BTBD9: variants seen among roughly 807,000 people sequenced by gnomAD.
BTBD9 encodes the protein BTB/POZ domain-containing protein 9.
BTBD9 carries 49 observed loss-of-function variants against 64.3 expected under a neutral mutation model. The ratio of observed to expected loss-of-function variants is 0.76; its 90% CI spans 0.61 to 0.97. The LOEUF (loss-of-function observed/expected upper bound fraction) is 0.97, where lower values mean the gene tolerates loss of function less well. BTBD9 is among the 50% of genes least tolerant of loss of function. The pLI, the probability that BTBD9 is intolerant of heterozygous loss-of-function variation, is 0.00. For synonymous variants in BTBD9, 260 were observed against 274.7 expected (o/e 0.95, Z 0.53); for missense variants, 598 against 762.1 (o/e 0.78, Z 2.53).
At chr6:38,390,565 T>G (rs1374969449) in intron 6 of BTBD9, among the ~76,000 whole-genome samples, 1 of 152,074 alleles carries the variant, frequency 6.6e-6, no homozygotes, top group Non-Finnish European at 1.5e-5. Flanking sequence ...AAAATGAACA[T>G]TAATAGGTGA....
rs187694771 is a variant in BTBD9 at position 38,506,424 on chromosome 6, C to T, written c.1154+71176G>A. Among the ~76,000 whole-genome samples the T allele has an allele frequency of 7.9e-5, 12 of 152,316 alleles. No homozygotes were observed. The East Asian group carries it at 1.3e-3, about 17-fold the overall frequency. ...CTGAATAAAGTAAACTGCAGAGATTCGGCTGTTACCCTCGTGATCCCGTGC... is the reference window on the plus strand; with the variant it reads ...CTGAATAAAGTAAACTGCAGAGATTTGGCTGTTACCCTCGTGATCCCGTGC... On this transcript the variant is annotated intron_variant, in intron 6 of 10. Coordinates refer to ENST00000481247, the MANE Select transcript of BTBD9 (RefSeq NM_001099272.2).
intron 7 of BTBD9, among the ~76,000 whole-genome samples, chr6:38,294,407 T>C (rs1208137678): frequency 6.6e-6 from 1 of 152,306 alleles, no homozygotes; most frequent in Non-Finnish European, 1.5e-5. Flanking sequence ...CCAACCCAAA[T>C]GCCCATCAAT....
intron 1 of BTBD9, among the ~76,000 whole-genome samples, chr6:38,637,968 G>T (rs1306282366): frequency 6.6e-6 from 1 of 152,178 alleles, no homozygotes; most frequent in African/African-American, 2.4e-5. Flanking sequence ...TTCCCAACCT[G>T]CTAAGCCATC....
intron 6 of BTBD9, among the ~76,000 whole-genome samples, chr6:38,391,879 A>G (rs749198355): frequency 7.2e-5 from 11 of 152,204 alleles, no homozygotes; most frequent in Non-Finnish European, 1.3e-4. Flanking sequence ...TCGATCGGCA[A>G]CTTGCTCAAA....
chr6:38,533,708 G>T (rs1376218993), intron 6 of BTBD9, among the ~76,000 whole-genome samples: 1 of 151,958 alleles, frequency 6.6e-6, no homozygotes, highest in Non-Finnish European at 1.5e-5. Context: ...GATCACAATG[G>T]AATAAAACAA....
At chr6:38,457,936 G>A (rs571074311) in intron 6 of BTBD9, among the ~76,000 whole-genome samples, 2 of 152,036 alleles carry the variant, frequency 1.3e-5, no homozygotes, top group South Asian at 2.1e-4. Flanking sequence ...TAAGTGTTGC[G>A]GAACTCACAC....
intron 6 of BTBD9, among the ~76,000 whole-genome samples, chr6:38,570,745 A>G (rs1470792006): frequency 1.3e-5 from 2 of 152,176 alleles, no homozygotes; most frequent in African/African-American, 2.4e-5. Flanking sequence ...GCAGATGACA[A>G]CTCAAGAACT....
intron 6 of BTBD9, among the ~76,000 whole-genome samples, chr6:38,572,427 T>C (rs1268391577): frequency 6.6e-6 from 1 of 152,144 alleles, no homozygotes. Flanking sequence ...CGGCCTCTAA[T>C]GTGACTACAA....
chr6:38,448,884 A>G lies in BTBD9; in HGVS notation c.1155-103791T>C, dbSNP rs373630643. The stretch of plus-strand genomic sequence containing the variant: ...AGCCCCTTGTCCCCAGAGTTCTATT[A>G]TAGTATTTATGAGGACCATATGAGA... On this transcript the variant is annotated intron_variant, in intron 6 of 10. Coordinates refer to ENST00000481247, the MANE Select transcript of BTBD9 (RefSeq NM_001099272.2). 2.3e-4 allele frequency among the ~76,000 whole-genome samples: 35 copies of G among 152,298 alleles called. No homozygotes were observed. In the South Asian group the frequency reaches 7.0e-3, roughly 31 times the overall value.
chr6:38,431,616 C>CCCAGTACTAACT (rs1768442090), intron 6 of BTBD9, among the ~76,000 whole-genome samples: 1 of 150,410 alleles, frequency 6.6e-6, no homozygotes, highest in African/African-American at 2.5e-5. Context: ...CTCTCCTAAT[C>CCCAGTACTAACT]TCTATCTACT....
At chr6:38,414,749 T>A (rs533119108) in intron 6 of BTBD9, among the ~76,000 whole-genome samples, 1 of 152,314 alleles carries the variant, frequency 6.6e-6, no homozygotes, top group South Asian at 2.1e-4. Context: ...TCTCCTATGC[T>A]GTTCATCAGT....
At chr6:38,194,062 T>C (rs1388186444) in intron 9 of BTBD9, among the ~76,000 whole-genome samples, 1 of 152,174 alleles carries the variant, frequency 6.6e-6, no homozygotes, top group East Asian at 1.9e-4. Context: ...CTTGTGCTGG[T>C]GGCCTATTTT....
intron 7 of BTBD9, among the ~76,000 whole-genome samples, chr6:38,327,898 C>T (rs1763503758): frequency 6.6e-6 from 1 of 152,112 alleles, no homozygotes; most frequent in African/African-American, 2.4e-5. Context: ...GAAGAAATTA[C>T]CCTGTCTCAC....
intron 6 of BTBD9, among the ~76,000 whole-genome samples, chr6:38,383,403 T>A (rs1766020799): frequency 6.6e-6 from 1 of 152,212 alleles, no homozygotes; most frequent in African/African-American, 2.4e-5. Context: ...CTATAACAAA[T>A]GTCTTTCTCA....
At chr6:38,524,526 C>A (rs1773402402) in intron 6 of BTBD9, among the ~76,000 whole-genome samples, 1 of 152,122 alleles carries the variant, frequency 6.6e-6, no homozygotes, top group South Asian at 2.1e-4. Context: ...ACAAAATTAT[C>A]TAAGTTGTCC....
intron 1 of BTBD9, among the ~76,000 whole-genome samples, chr6:38,601,008 A>G (rs898014827): frequency 4.6e-5 from 7 of 152,186 alleles, no homozygotes; most frequent in Non-Finnish European, 8.8e-5. Context: ...GTGATTCTCA[A>G]TGAGCTTGCC....
At chr6:38,524,188 C>T (rs558913793) in intron 6 of BTBD9, among the ~76,000 whole-genome samples, 1 of 151,930 alleles carries the variant, frequency 6.6e-6, no homozygotes, top group South Asian at 2.1e-4. Context: ...ATAAGAGTAA[C>T]TAGCCAAGAT....
chr6:38,460,558 C>T (rs1033254856), intron 6 of BTBD9, among the ~76,000 whole-genome samples: 1 of 152,144 alleles, frequency 6.6e-6, no homozygotes, highest in Non-Finnish European at 1.5e-5. Flanking sequence ...CTTCACATAC[C>T]ATATAGACAC....
In BTBD9 at chr6:38,215,283, T is replaced by G. The variant is rs147791241; in HGVS notation, c.1563-22686A>C. ...CATGATATTTTCTATCACTTGTATT[T>G]TGGAGCAGCTTAGAAAGAATATTAT... is the stretch of plus-strand genomic sequence containing the variant. On this transcript the variant is annotated intron_variant, in intron 9 of 10. Coordinates refer to ENST00000481247, the MANE Select transcript of BTBD9 (RefSeq NM_001099272.2). Among the ~76,000 whole-genome samples, 682 of 152,318 alleles carry G rather than the reference T, an allele frequency of 4.5e-3. 3 individuals carry two copies. The highest frequency in any genetic ancestry group is 0.016 in the African/African-American group (654 of 41,574).
Sources: gnomAD v4.1 joint callset for allele counts (sites outside exome capture counted in the v4.1 genomes callset) on GRCh38, gnomAD v4.1.1 for gene constraint, MANE v1.5 for transcripts, NCBI Gene and HGNC (gene_info 2026-07-23, HGNC 2026-07-21) for gene names.